Variants in AP4B1 observed in about 807,000 individuals in gnomAD.
The protein encoded by AP4B1 is AP-4 complex subunit beta-1.
Under a neutral mutation model 76.5 loss-of-function variants are expected in AP4B1, and 49 were observed. The observed-to-expected ratio is 0.64, with a 90% confidence interval of 0.51 to 0.81. The LOEUF is 0.81. Ranked by LOEUF, AP4B1 falls within the 40% of genes least tolerant of loss-of-function variation. The pLI is 0.00. For missense variants in AP4B1, 911 were observed against 904.9 expected (o/e 1.01, Z -0.09); for synonymous variants, 330 against 333.3 (o/e 0.99, Z 0.11).
In AP4B1 at chr1:113,902,693, A is replaced by C. The variant is rs757246226; in HGVS notation, c.283T>G (p.Ser95Ala). 7.4e-6 allele frequency: 12 copies of C among 1,614,106 alleles called. No homozygotes were observed. Among genetic ancestry groups the C allele is most frequent in the Non-Finnish European group, 1.0e-5 (12 of 1,180,040 alleles). The change falls in exon 2 of 10, where the codon TCA becomes GCA. Residue 95 changes from serine (S) to alanine (A), a missense_variant. Ser to Ala is a moderately conservative substitution (Grantham distance 99). Coordinates refer to ENST00000369569, the MANE Select transcript of AP4B1 (RefSeq NM_001253852.3). ...LAINTLCKDCSDPNPMVRGLA... is the reference protein window; with the variant it reads ...LAINTLCKDCADPNPMVRGLA... ...CCTCGCACCATTGGATTGGGGTCTGAGCAGTCTTTGCACAGCGTATTGATG... is the reference window on the plus strand; with the variant it reads ...CCTCGCACCATTGGATTGGGGTCTGCGCAGTCTTTGCACAGCGTATTGATG...
chr1:113,904,903 C>T (rs1022398381), upstream of AP4B1: 1 of 611,968 alleles, frequency 1.6e-6, no homozygotes. Flanking sequence ...ACGCCCTCCG[C>T]GACACCGCGA....
intron 2 of AP4B1, chr1:113,902,257 C>A (rs879293609): frequency 2.5e-5 from 10 of 394,030 alleles, no homozygotes; most frequent in Non-Finnish European, 4.3e-5. Context: ...TCTCAAATTC[C>A]TGGGCTCAAG....
intron 7 of AP4B1, 62 bp downstream of exon 7, chr1:113,897,778 T>A: frequency 1.3e-6 from 2 of 1,561,392 alleles, no homozygotes; most frequent in Non-Finnish European, 1.8e-6. Context: ...AGATTCCATT[T>A]CAAAGGGCAG....
At chr1:113,904,472 A>T in intron 1 of AP4B1, 133 bp downstream of exon 1, 1 of 840,936 alleles carries the variant, frequency 1.2e-6, no homozygotes, top group South Asian at 1.3e-5. Flanking sequence ...ACTCCAAAGC[A>T]GCAGGACGAA....
Position 113,900,492 on chromosome 1 carries a change from T to C in AP4B1, c.618-92A>G, listed in dbSNP as rs569772769. 12 of 1,442,674 alleles carry C rather than the reference T, an allele frequency of 8.3e-6. No individual in the cohort carries two copies. In the Admixed American group the frequency reaches 8.7e-5, roughly 10 times the overall value. 89.4% of individuals were successfully genotyped at this position (1,442,674 alleles called of 1,614,324 possible). A position where few individuals can be genotyped will look rare whatever the true frequency, so the allele number is the denominator to read the frequency against. ...CATATGACCAGGTGGTTGTTCATCA[T>C]AGCAAAGGGAGAATTCTTAAAAATA... On this transcript the variant is annotated intron_variant, in intron 4 of 9. Coordinates refer to ENST00000369569, the MANE Select transcript of AP4B1 (RefSeq NM_001253852.3).
Position 113,902,620 on chromosome 1 carries a change from AGAG to A in AP4B1, c.338+15_338+17del, listed in dbSNP as rs1172392089. On this transcript the variant is annotated intron_variant, in intron 2 of 9. Coordinates refer to ENST00000369569, the MANE Select transcript of AP4B1 (RefSeq NM_001253852.3). ...ATTCATCAGCCATTTAGGACCAGACAGAGAAGAGGGTACTCACCTGAGGCTACA... is the reference window on the plus strand; with the variant it reads ...ATTCATCAGCCATTTAGGACCAGACAAAGAGGGTACTCACCTGAGGCTACA... 3 of 1,610,498 alleles carry A rather than the reference AGAG, an allele frequency of 1.9e-6. No individual in the cohort carries two copies. In the African/African-American group the frequency reaches 4.0e-5, roughly 22 times the overall value.
rs769153893 is a variant in AP4B1 at position 113,904,696 on chromosome 1, C to T, written c.22G>A (p.Asp8Asn). The change falls in exon 1 of 10, where the codon GAC (aspartate) becomes AAC (asparagine). Residue 8 changes from aspartate to asparagine, a missense_variant. Transcript: ENST00000369569. MPYLGSE[D>N]VVKELKKALC... Reference sequence around the variant, plus strand: ...GCCTTCTTCAGCTCCTTCACCACGTCCTCGGAGCCAAGGTACGGCATCTTC... The same window carrying T: ...GCCTTCTTCAGCTCCTTCACCACGTTCTCGGAGCCAAGGTACGGCATCTTC... 3.1e-6 allele frequency: 5 copies of T among 1,612,534 alleles called. No homozygotes were observed. Among genetic ancestry groups the T allele is most frequent in the Non-Finnish European group, 4.2e-6 (5 of 1,180,006 alleles).
In AP4B1 at chr1:113,899,956, C is replaced by T. The variant is rs1202968697; in HGVS notation, c.1062G>A (p.Gly354=). 1 of 1,614,160 alleles carries T rather than the reference C, an allele frequency of 6.2e-7. No homozygotes were observed. The highest frequency in any genetic ancestry group is 8.5e-7 in the Non-Finnish European group (1 of 1,180,024). ...AGTCCGCAGACACATCCGTGCAGTA[C>T]CCTCGAAGCTCCTCTAGCACCTGCT... is the stretch of plus-strand genomic sequence containing the variant. ...NVQQVLEELR[G]YCTDVSADFA... The change falls in exon 5 of 10, where the codon GGG becomes GGA. Residue 354 remains glycine, a synonymous_variant. Transcript: ENST00000369569.
At chr1:113,899,314 C>G in intron 5 of AP4B1, 1 of 1,016,664 alleles carries the variant, frequency 9.8e-7, no homozygotes, top group Non-Finnish European at 1.2e-6. Context: ...TTGAGTCACT[C>G]CAGCCTTTCA....
intron 5 of AP4B1, chr1:113,899,034 C>T (rs1667874425): frequency 2.5e-6 from 3 of 1,222,494 alleles, no homozygotes; most frequent in Non-Finnish European, 2.1e-6. Context: ...CATAGCAAAA[C>T]AATTCCCCAT....
chr1:113,904,561 A>C, intron 1 of AP4B1, 44 bp downstream of exon 1: 2 of 1,564,244 alleles, frequency 1.3e-6, no homozygotes, highest in Non-Finnish European at 1.8e-6. Context: ...CCTGATGGGG[A>C]TTGCAAAGGG....
chr1:113,899,888 A>C lies in AP4B1; in HGVS notation c.1114+16T>G, dbSNP rs1179847679. 3 of 1,614,112 alleles carry C rather than the reference A, an allele frequency of 1.9e-6. No individual in the cohort carries two copies. The highest frequency in any genetic ancestry group is 3.3e-5 in the Admixed American group (2 of 60,014). The stretch of plus-strand genomic sequence containing the variant: ...CTGGTCTAGGTTCTCAAGAAGGAAA[A>C]GGAGCAGACACCTACCTATGGCAAA... On this transcript the variant is annotated intron_variant, in intron 5 of 9. Transcript: ENST00000369569.
rs902055695 is a variant in AP4B1 at position 113,899,344 on chromosome 1, T to C, written c.1115-543A>G. ...CTTTCAAATTCCAGACAGGGTACTA[T>C]GAAAAAGTCTGTAAGATTTAGGAAT... is the stretch of plus-strand genomic sequence containing the variant. On this transcript the variant is annotated intron_variant, in intron 5 of 9. Transcript: ENST00000369569. 9 of 1,012,284 alleles carry C rather than the reference T, an allele frequency of 8.9e-6. No individual in the cohort carries two copies. In the South Asian group the frequency reaches 1.2e-4, roughly 14 times the overall value. 62.7% of individuals were successfully genotyped at this position (1,012,284 alleles called of 1,614,324 possible). A position where few individuals can be genotyped will look rare whatever the true frequency, so the allele number is the denominator to read the frequency against.
intron 6 of AP4B1, 129 bp from the exon 7 acceptor site, chr1:113,898,072 GT>G: frequency 1.3e-6 from 2 of 1,507,448 alleles, no homozygotes; most frequent in Non-Finnish European, 1.8e-6. Context: ...TGGAGGTGTG[GT>G]CAATGGTTAT....
chr1:113,899,716 CA>C (rs924557823), intron 5 of AP4B1, 187 bp downstream of exon 5: 158 of 831,554 alleles, frequency 1.9e-4, no homozygotes, highest in Non-Finnish European at 2.3e-4. Context: ...CAATCTTGAC[CA>C]AAAAAAAACA....
At position 113,904,701 on chromosome 1, in the gene AP4B1, G is replaced by A. The variant is rs779317936; in HGVS notation, c.17C>T (p.Ser6Phe). The change falls in exon 1 of 10, where the codon TCC becomes TTC. Residue 6 changes from serine to phenylalanine, a missense_variant. Transcript: ENST00000369569. ...CTTCAGCTCCTTCACCACGTCCTCG[G>A]AGCCAAGGTACGGCATCTTCCTAAG... MPYLG[S>F]EDVVKELKKA... 5.0e-6 allele frequency: 8 copies of A among 1,612,440 alleles called. No homozygotes were observed. In the East Asian group the frequency reaches 1.8e-4, roughly 36 times the overall value.
rs3838300 is a variant in AP4B1, at chr1:113,899,733, C to CA, written c.1114+170dup. 0.16 allele frequency: 173,575 copies of CA among 1,066,816 alleles called. 11,553 individuals are homozygous for CA. Among genetic ancestry groups the CA allele is most frequent in the Non-Finnish European group, 0.17 (126,878 of 733,358 alleles). The allele number at this position is 1,066,816 out of a possible 1,614,324, so 66.1% of individuals were successfully genotyped here. A position where few individuals can be genotyped will look rare whatever the true frequency, so the allele number is the denominator to read the frequency against. Reference sequence around the variant, plus strand: ...ATCTTGACCAAAAAAAAACAAAAAACAAAAAAAAACTCTCTTCCCCCGTGT... The same window carrying CA: ...ATCTTGACCAAAAAAAAACAAAAAACAAAAAAAAAACTCTCTTCCCCCGTGT... On this transcript the variant is annotated intron_variant, in intron 5 of 9. Coordinates refer to ENST00000369569, the MANE Select transcript of AP4B1 (RefSeq NM_001253852.3).
rs189000826 is a variant in AP4B1 at position 113,904,790 on chromosome 1, G to C, written c.-73C>G. ...AGGGCTCCTTCTCGTCCTGATGTGG[G>C]AGCCTGAGTAAAGGAAATATGAGTC... On this transcript the variant is annotated 5_prime_UTR_variant, in exon 1 of 10. Transcript: ENST00000369569. 1.5e-4 allele frequency: 197 copies of C among 1,271,216 alleles called. 3 individuals carry two copies. In the African/African-American group the frequency reaches 2.3e-3, roughly 15 times the overall value. 78.7% of individuals were successfully genotyped at this position (1,271,216 alleles called of 1,614,324 possible).
rs1167510348 is a variant in AP4B1, at chr1:113,901,387, T to C, written c.470-4A>G. ...AATTCATTTACCAGGGCACCATCTA[T>C]AAAAAAGAACAAAGTTCTTAGATAA... is the stretch of plus-strand genomic sequence containing the variant. On this transcript the variant is annotated splice_region_variant and splice_polypyrimidine_tract_variant and intron_variant, in intron 3 of 9. Transcript: ENST00000369569. 4 of 1,613,534 alleles carry C rather than the reference T, an allele frequency of 2.5e-6. No homozygotes were observed. In the African/African-American group the frequency reaches 4.0e-5, roughly 16 times the overall value.
Sources: gnomAD v4.1 joint callset for allele counts on GRCh38, gnomAD v4.1.1 for gene constraint, MANE v1.5 for transcripts, NCBI Gene and HGNC (gene_info 2026-07-23, HGNC 2026-07-21) for gene names.